The following LRP1B variants were observed in gnomAD, a reference collection of about 807,000 sequenced individuals.
The protein encoded by LRP1B is LDL receptor related protein 1B.
A neutral mutation model predicts 556.6 loss-of-function variants in LRP1B; 217 were observed. That is an observed-to-expected ratio of 0.39 (90% confidence interval 0.35 to 0.44). The LOEUF (loss-of-function observed/expected upper bound fraction) is 0.44, where lower values mean the gene tolerates loss of function less well. Among genes scored for constraint, LRP1B ranks in the 20% least tolerant of loss-of-function variants. The probability of loss-of-function intolerance (pLI) is 1.00; values close to 1 mark genes in which losing one functional copy is unlikely to be tolerated. For missense variants in LRP1B, 5,053 were observed against 5,620.8 expected, an observed-to-expected ratio of 0.90 and a Z score of 3.23; for synonymous variants, 2,047 against 1,865.8, an observed-to-expected ratio of 1.10 and a Z score of -2.50.
chr2:141,431,251 G>A (rs1053692765), intron 3 of LRP1B, among the ~76,000 whole-genome samples: 1 of 151,944 alleles, frequency 6.6e-6, no homozygotes, highest in Non-Finnish European at 1.5e-5. Flanking sequence ...GAGAGATGTA[G>A]CAGAAGAGGA....
intron 7 of LRP1B, among the ~76,000 whole-genome samples, chr2:141,122,453 A>C (rs1047126815): frequency 6.6e-6 from 1 of 151,948 alleles, no homozygotes. Flanking sequence ...ATGAACAGAC[A>C]CTTCTCAAAA....
At chr2:140,804,892 T>C (rs986246887) in intron 32 of LRP1B, among the ~76,000 whole-genome samples, 7 of 151,952 alleles carry the variant, frequency 4.6e-5, no homozygotes, top group African/African-American at 1.7e-4. Flanking sequence ...TTCCCATGGG[T>C]AAACTACCCA....
At chr2:141,184,284 C>A (rs978550153) in intron 7 of LRP1B, among the ~76,000 whole-genome samples, 1 of 151,920 alleles carries the variant, frequency 6.6e-6, no homozygotes, top group Non-Finnish European at 1.5e-5. Flanking sequence ...TTATGGTGTC[C>A]TCAGAGGACA....
intron 70 of LRP1B, 123 bp downstream of exon 70, chr2:140,371,056 G>T: frequency 1.3e-6 from 1 of 799,046 alleles, no homozygotes; most frequent in Non-Finnish European, 2.0e-6. Context: ...TGCATTCAAT[G>T]TACATATCTA....
At chr2:141,960,968 A>C (rs1447179342) in intron 1 of LRP1B, among the ~76,000 whole-genome samples, 1 of 151,754 alleles carries the variant, frequency 6.6e-6, no homozygotes, top group Non-Finnish European at 1.5e-5. Context: ...TTTTTTATTA[A>C]ATTTAAACTC....
intron 43 of LRP1B, among the ~76,000 whole-genome samples, chr2:140,591,298 T>C (rs1682213958): frequency 6.6e-6 from 1 of 152,200 alleles, no homozygotes; most frequent in African/African-American, 2.4e-5. Flanking sequence ...AGGTACTGGA[T>C]ATATACAGTT....
At chr2:140,841,358 C>G (rs1472858392) in intron 29 of LRP1B, among the ~76,000 whole-genome samples, 1 of 152,128 alleles carries the variant, frequency 6.6e-6, no homozygotes, top group African/African-American at 2.4e-5. Flanking sequence ...CTAATAAACA[C>G]TTAGGAGCAA....
intron 7 of LRP1B, among the ~76,000 whole-genome samples, chr2:141,069,954 TC>T (rs1001409459): frequency 4.3e-5 from 3 of 70,028 alleles, no homozygotes; most frequent in Admixed American, 1.9e-4. Context: ...ACCTCCCCCC[TC>T]CCCCCACCCC....
intron 7 of LRP1B, among the ~76,000 whole-genome samples, chr2:141,101,056 G>A (rs1700448555): frequency 6.6e-6 from 1 of 152,140 alleles, no homozygotes; most frequent in South Asian, 2.1e-4. Context: ...AAACCCCCAT[G>A]AGACGAAGCA....
At chr2:141,831,403 A>T (rs1697107488) in intron 1 of LRP1B, among the ~76,000 whole-genome samples, 2 of 151,550 alleles carry the variant, frequency 1.3e-5, no homozygotes, top group Non-Finnish European at 3.0e-5. Flanking sequence ...TTTAAAAGTC[A>T]GTTCTGGGAG....
At chr2:140,907,641 T>G (rs1045971323) in intron 22 of LRP1B, among the ~76,000 whole-genome samples, 1 of 152,118 alleles carries the variant, frequency 6.6e-6, no homozygotes, top group Admixed American at 6.6e-5. Flanking sequence ...GCTCTATAAT[T>G]AAGTAACTTC....
At chr2:141,789,807 A>G (rs1377808766) in intron 2 of LRP1B, among the ~76,000 whole-genome samples, 1 of 151,954 alleles carries the variant, frequency 6.6e-6, no homozygotes, top group East Asian at 1.9e-4. Context: ...AATTTTCTAA[A>G]TATTTTCAAA....
chr2:140,433,988 G>C (rs557409872), intron 66 of LRP1B, among the ~76,000 whole-genome samples: 2 of 151,910 alleles, frequency 1.3e-5, no homozygotes, highest in African/African-American at 4.8e-5. Context: ...AGAAACCTTA[G>C]GTCTCAGGGA....
chr2:141,722,662 G>A (rs1157273892), intron 2 of LRP1B, among the ~76,000 whole-genome samples: 1 of 151,902 alleles, frequency 6.6e-6, no homozygotes, highest in African/African-American at 2.4e-5. Context: ...CGTCTCTCAA[G>A]TTAACCTTTT....
chr2:141,599,048 C>A (rs1687631896), intron 2 of LRP1B, among the ~76,000 whole-genome samples: 10 of 39,458 alleles, frequency 2.5e-4, no homozygotes, highest in South Asian at 1.1e-3. Context: ...GTTCAACTCC[C>A]CCCCGCCCCC....
At chr2:141,924,000 T>C (rs1030801495) in intron 1 of LRP1B, among the ~76,000 whole-genome samples, 1 of 151,942 alleles carries the variant, frequency 6.6e-6, no homozygotes. Context: ...GACAGGGAAA[T>C]ACTGGGTAGA....
At chr2:140,811,235 G>T (rs16844805) in intron 32 of LRP1B, among the ~76,000 whole-genome samples, 1,524 of 152,142 alleles carry the variant, frequency 0.01, 23 homozygotes, top group African/African-American at 0.036. Context: ...TGGGCATTAC[G>T]ATCTCATTCA....
intron 7 of LRP1B, among the ~76,000 whole-genome samples, chr2:141,100,807 T>C (rs999388928): frequency 1.3e-5 from 2 of 151,984 alleles, no homozygotes; most frequent in South Asian, 2.1e-4. Context: ...GATTTGTACT[T>C]GTGTCTCCAC....
intron 35 of LRP1B, 49 bp from the exon 36 acceptor site, chr2:140,716,865 G>A (rs2105465070): frequency 8.7e-7 from 1 of 1,144,092 alleles, no homozygotes; most frequent in Non-Finnish European, 1.3e-6. Flanking sequence ...ACTGTAAAAG[G>A]TATCAATATC....
Sources: allele counts gnomAD v4.1 joint callset (sites outside exome capture counted in the v4.1 genomes callset), GRCh38; gene constraint gnomAD v4.1.1; transcripts MANE v1.5; gene names NCBI Gene and HGNC (gene_info 2026-07-23, HGNC 2026-07-21).